Variants in INPP1 observed in about 807,000 individuals in gnomAD.
INPP1 encodes the protein inositol polyphosphate 1-phosphatase.
In INPP1, 18 loss-of-function variants were observed where a neutral mutation model predicts 23.0. The observed-to-expected ratio is 0.78, with a 90% CI of 0.54 to 1.16. The LOEUF (loss-of-function observed/expected upper bound fraction) is 1.16. Among genes scored for constraint, INPP1 ranks in the 50% most tolerant of loss-of-function variants. The probability of loss-of-function intolerance (pLI) is 0.00; values close to 1 mark genes in which losing one functional copy is unlikely to be tolerated. For synonymous variants in INPP1, 164 were observed against 176.3 expected, an observed-to-expected ratio of 0.93 and a Z score of 0.55; for missense variants, 448 against 482.1, an observed-to-expected ratio of 0.93 and a Z score of 0.66.
In INPP1 at chr2:190,345,394, TAGA is replaced by T. The variant is rs1001470357; in HGVS notation, c.-209+1436_-209+1438del. On this transcript the variant is annotated intron_variant, in intron 1 of 6. Transcript: ENST00000392329. The surrounding 1 kb of genome is among the most constrained non-coding windows in gnomAD (Gnocchi z 4.9). The stretch of plus-strand genomic sequence containing the variant: ...TGAAAAGATAATTTCTTGTTTGACA[TAGA>T]AGGCCTGTGAGACAAAAGTTATAAA... 4.3e-4 allele frequency: 65 copies of T among 152,368 alleles called. No individual in the cohort carries two copies. Among genetic ancestry groups the T allele is most frequent in the African/African-American group, 1.6e-3 (65 of 41,598 alleles). 9.4% of individuals were successfully genotyped at this position (152,368 alleles called of 1,614,324 possible).
rs1264655487 is a variant in INPP1 at position 190,345,069 on chromosome 2, A to G, written c.-209+1108A>G. Among the ~76,000 whole-genome samples the G allele has an allele frequency of 2.0e-5, 3 of 152,262 alleles. No individual in the cohort carries two copies. Among genetic ancestry groups the G allele is most frequent in the Non-Finnish European group, 4.4e-5 (3 of 68,042 alleles). ...GAACATAAGGGAAAAAATAAAGGCAATGGAAGAATTCATTTTTTCAATACA... is the reference window on the plus strand; with the variant it reads ...GAACATAAGGGAAAAAATAAAGGCAGTGGAAGAATTCATTTTTTCAATACA... On this transcript the variant is annotated intron_variant, in intron 1 of 6. Coordinates refer to ENST00000392329, the MANE Select transcript of INPP1 (RefSeq NM_001128928.2). This position sits in a 1 kb window ranked among gnomAD's most constrained non-coding sequence, Gnocchi z 4.9.
rs747358551 is a variant in INPP1 at position 190,355,542 on chromosome 2, A to G, written c.-64-4497A>G. ...GGCTTGTCTCCAGAGATTCTGATTC[A>G]CTAAGCTGGGGTAGAGTCCAGCAAT... On this transcript the variant is annotated intron_variant, in intron 2 of 6. Coordinates refer to ENST00000392329, the MANE Select transcript of INPP1 (RefSeq NM_001128928.2). This position sits in a 1 kb window ranked among gnomAD's most constrained non-coding sequence, Gnocchi z 5.1. Among the ~76,000 whole-genome samples, 1 of 152,220 alleles carries G rather than the reference A, an allele frequency of 6.6e-6. No homozygotes were observed. Among genetic ancestry groups the G allele is most frequent in the Non-Finnish European group, 1.5e-5 (1 of 68,028 alleles).
At chr2:190,370,393 C>G (rs1047421963) in intron 6 of INPP1, among the ~76,000 whole-genome samples, 1 of 152,070 alleles carries the variant, frequency 6.6e-6, no homozygotes, top group East Asian at 1.9e-4. Context: ...TGGAAGCCAA[C>G]GTGAAACTAG....
At chr2:190,359,998 C>T (rs2124930299) in intron 2 of INPP1, 41 bp from the exon 3 acceptor site, 3 of 1,189,254 alleles carry the variant, frequency 2.5e-6, no homozygotes, top group East Asian at 2.5e-5. Context: ...TGACATCACT[C>T]TCTGAACTGC....
chr2:190,349,804 G>A (rs1328056870), intron 2 of INPP1, among the ~76,000 whole-genome samples: 1 of 152,162 alleles, frequency 6.6e-6, no homozygotes, highest in Non-Finnish European at 1.5e-5. Context: ...TATGGAAAAG[G>A]GAGTTTAAAA....
chr2:190,361,732 C>A (rs769790510), intron 3 of INPP1, among the ~76,000 whole-genome samples: 4 of 152,158 alleles, frequency 2.6e-5, no homozygotes, highest in Non-Finnish European at 5.9e-5. Flanking sequence ...TTTAAGCAGG[C>A]TTGGGAGACT....
In INPP1 at chr2:190,346,095, A is replaced by G. The variant is rs1378968434; in HGVS notation, c.-209+2134A>G. Among the ~76,000 whole-genome samples the G allele has an allele frequency of 2.0e-5, 3 of 152,352 alleles. No individual in the cohort carries two copies. The East Asian group carries it at 5.8e-4, about 29-fold the overall frequency. On this transcript the variant is annotated intron_variant, in intron 1 of 6. Coordinates refer to ENST00000392329, the MANE Select transcript of INPP1 (RefSeq NM_001128928.2). The surrounding 1 kb of genome is among the most constrained non-coding windows in gnomAD (Gnocchi z 5.1). ...TTTCTCAAACTTGTCTGATTGTAAA[A>G]TTCCTCAGGGTAGTAGGCAAGTCGG...
At chr2:190,357,174 A>G (rs1436945162) in intron 2 of INPP1, among the ~76,000 whole-genome samples, 1 of 152,208 alleles carries the variant, frequency 6.6e-6, no homozygotes, top group Non-Finnish European at 1.5e-5. Flanking sequence ...GATCTTTTCT[A>G]TCACCTGAAA....
Position 190,369,158 on chromosome 2 carries a change from C to T in INPP1, c.522C>T (p.Ile174=). ...GSADIKSNQG[I]FPCGLQCVTI... Reference sequence around the variant, plus strand: ...CTGACATTAAATCCAACCAGGGAATCTTCCCCTGTGGACTTCAGTGTGTCA... The same window carrying T: ...CTGACATTAAATCCAACCAGGGAATTTTCCCCTGTGGACTTCAGTGTGTCA... Residue 174 remains isoleucine, a synonymous_variant, in exon 6 of 7, where the codon ATC becomes ATT. Transcript: ENST00000392329. 1 of 1,607,624 alleles carries T rather than the reference C, an allele frequency of 6.2e-7. No homozygotes were observed. Among genetic ancestry groups the T allele is most frequent in the African/African-American group, 1.3e-5 (1 of 74,972 alleles).
chr2:190,370,340 T>C (rs910880623), intron 6 of INPP1, among the ~76,000 whole-genome samples: 1 of 152,216 alleles, frequency 6.6e-6, no homozygotes, highest in Non-Finnish European at 1.5e-5. Flanking sequence ...ATAATTATTG[T>C]GGTTGCCAAA....
chr2:190,358,072 A>ATTTTTTTT (rs749071988), intron 2 of INPP1, among the ~76,000 whole-genome samples: 4 of 111,400 alleles, frequency 3.6e-5, no homozygotes, highest in Non-Finnish European at 5.3e-5. Flanking sequence ...CATTAAGGGA[A>ATTTTTTTT]TTTTTTTTTT....
chr2:190,367,599 G>C lies in INPP1; in HGVS notation c.466+704G>C, dbSNP rs1689706212. Among the ~76,000 whole-genome samples, 1 of 152,090 alleles carries C rather than the reference G, an allele frequency of 6.6e-6. No individual in the cohort carries two copies. Among genetic ancestry groups the C allele is most frequent in the Non-Finnish European group, 1.5e-5 (1 of 68,020 alleles). On this transcript the variant is annotated intron_variant, in intron 5 of 6. Coordinates refer to ENST00000392329, the MANE Select transcript of INPP1 (RefSeq NM_001128928.2). The surrounding 1 kb of genome is among the most constrained non-coding windows in gnomAD (Gnocchi z 4.1). ...AGTCTCGTGTTGCACACAGGCTGGA[G>C]TGCAGTGGCACAGTCAGAACTCACT...
chr2:190,353,389 C>T (rs547412591), intron 2 of INPP1, among the ~76,000 whole-genome samples: 1 of 152,306 alleles, frequency 6.6e-6, no homozygotes, highest in South Asian at 2.1e-4. Flanking sequence ...TTGGGTTACT[C>T]AGAGAATTGC....
chr2:190,352,964 G>A lies in INPP1; in HGVS notation c.-65+3933G>A, dbSNP rs991245563. 1.3e-5 allele frequency among the ~76,000 whole-genome samples: 2 copies of A among 152,178 alleles called. No homozygotes were observed. Among genetic ancestry groups the A allele is most frequent in the Non-Finnish European group, 2.9e-5 (2 of 68,026 alleles). Reference sequence around the variant, plus strand: ...AGCCAGAATTCAGGATGTGAACCGTGGGGGTGGGGTGGAGTCAATGCGCAA... The same window carrying A: ...AGCCAGAATTCAGGATGTGAACCGTAGGGGTGGGGTGGAGTCAATGCGCAA... On this transcript the variant is annotated intron_variant, in intron 2 of 6. Coordinates refer to ENST00000392329, the MANE Select transcript of INPP1 (RefSeq NM_001128928.2). This position sits in a 1 kb window ranked among gnomAD's most constrained non-coding sequence, Gnocchi z 4.7.
intron 2 of INPP1, among the ~76,000 whole-genome samples, chr2:190,351,284 C>T (rs539293709): frequency 6.6e-6 from 1 of 152,284 alleles, no homozygotes; most frequent in South Asian, 2.1e-4. Flanking sequence ...CTGAAGGAGC[C>T]AACAGTTGAA....
In INPP1 at chr2:190,370,987, C is replaced by T. The variant is rs1201675308; in HGVS notation, c.785C>T (p.Ala262Val). 1 of 1,614,144 alleles carries T rather than the reference C, an allele frequency of 6.2e-7. No homozygotes were observed. The highest frequency in any genetic ancestry group is 1.1e-5 in the South Asian group (1 of 91,078). The change falls in exon 7 of 7, where the codon GCC (alanine) becomes GTC (valine). Residue 262 changes from alanine (A) to valine (V), a missense_variant. Ala to Val is a moderately conservative substitution (Grantham distance 64). Coordinates refer to ENST00000392329, the MANE Select transcript of INPP1 (RefSeq NM_001128928.2). ...SEAAFSPSFS[A>V]VISTSEKETI... ...GCAGCATTCTCCCCCAGTTTTTCAG[C>T]CGTAATTAGTACAAGTGAAAAGGAG...
intron 2 of INPP1, among the ~76,000 whole-genome samples, chr2:190,357,473 A>G (rs1342428054): frequency 6.6e-6 from 1 of 152,170 alleles, no homozygotes; most frequent in Non-Finnish European, 1.5e-5. Context: ...TGGATAACAT[A>G]CTCTCAAATT....
Position 190,371,002 on chromosome 2 carries a change from G to A in INPP1, c.800G>A (p.Ser267Asn). 2 of 1,614,216 alleles carry A rather than the reference G, an allele frequency of 1.2e-6. No homozygotes were observed. The highest frequency in any genetic ancestry group is 1.7e-6 in the Non-Finnish European group (2 of 1,180,050). ...SPSFSAVIST[S>N]EKETIKAALS... ...AGTTTTTCAGCCGTAATTAGTACAA[G>A]TGAAAAGGAGACTATCAAAGCTGCA... is the stretch of plus-strand genomic sequence containing the variant. Residue 267 changes from serine to asparagine, a missense_variant, in exon 7 of 7, where the codon AGT (serine) becomes AAT (asparagine). Physicochemically the swap from Ser to Asn is conservative, Grantham distance 46. Coordinates refer to ENST00000392329, the MANE Select transcript of INPP1 (RefSeq NM_001128928.2). The surrounding 1 kb of genome is among the most constrained non-coding windows in gnomAD (Gnocchi z 5.3).
chr2:190,349,972 G>A (rs1433094624), intron 2 of INPP1, among the ~76,000 whole-genome samples: 1 of 152,184 alleles, frequency 6.6e-6, no homozygotes, highest in African/African-American at 2.4e-5. Flanking sequence ...AGCCTCCTGA[G>A]TAGTTGGGAT....
Sources: allele counts gnomAD v4.1 joint callset (sites outside exome capture counted in the v4.1 genomes callset), GRCh38; gene constraint gnomAD v4.1.1; non-coding constraint Gnocchi (gnomAD v3.1); transcripts MANE v1.5; gene names NCBI Gene and HGNC (gene_info 2026-07-23, HGNC 2026-07-21).